LECT2: variants seen among roughly 807,000 people sequenced by gnomAD.
LECT2 encodes the protein leukocyte cell-derived chemotaxin-2.
A neutral mutation model predicts 16.6 loss-of-function variants in LECT2; 11 were observed. That is an observed-to-expected ratio of 0.66 (90% CI 0.42 to 1.09). The LOEUF (loss-of-function observed/expected upper bound fraction) is 1.09. LECT2 is among the 50% of genes least tolerant of loss of function. The pLI is 0.00. For synonymous variants in LECT2, 54 were observed against 64.8 expected, an observed-to-expected ratio of 0.83 and a Z score of 0.80; for missense variants, 173 against 184.2, an observed-to-expected ratio of 0.94 and a Z score of 0.35.
At chr5:135,947,563 T>A in intron 3 of LECT2, 66 bp from the exon 4 acceptor site, 2 of 1,395,790 alleles carry the variant, frequency 1.4e-6, no homozygotes, top group Non-Finnish European at 1.9e-6. Flanking sequence ...ATTAAAAAAA[T>A]AACAAATGGA....
At chr5:135,948,723 G>A (rs1425542331) in intron 3 of LECT2, among the ~76,000 whole-genome samples, 1 of 150,900 alleles carries the variant, frequency 6.6e-6, no homozygotes, top group Non-Finnish European at 1.5e-5. Context: ...CACCCAGGCT[G>A]GAGTGCAGTG....
At position 135,947,492 on chromosome 5, in the gene LECT2, A is replaced by G; in HGVS notation, c.295T>C (p.Cys99Arg). 1 of 1,601,090 alleles carries G rather than the reference A, an allele frequency of 6.2e-7. No individual in the cohort carries two copies. Among genetic ancestry groups the G allele is most frequent in the South Asian group, 1.1e-5 (1 of 88,176 alleles). ...NGVRISGRGFCVKMFYIKPIK... is the reference protein window; with the variant it reads ...NGVRISGRGFRVKMFYIKPIK... ...GGCTTAATGTAGAACATTTTGACAC[A>G]AAAACCTAAAAGAAAATAAGTATAA... The change falls in exon 4 of 4, where the codon TGT becomes CGT. Residue 99 changes from cysteine (C) to arginine (R), a missense_variant. Transcript: ENST00000274507.
In LECT2 at chr5:135,947,413, G is replaced by A. The variant is rs745655904; in HGVS notation, c.374C>T (p.Pro125Leu). 6.2e-7 allele frequency: 1 copy of A among 1,613,990 alleles called. No homozygotes were observed. Among genetic ancestry groups the A allele is most frequent in the Non-Finnish European group, 8.5e-7 (1 of 1,179,940 alleles). ...TATGCCAGGATAAACTTTCTGCAAG[G>A]GCAATAGAGTTCCAAGTTTTTCTCC... ...KKGEKLGTLL[P>L]LQKVYPGIQS... Residue 125 changes from proline to leucine, a missense_variant, in exon 4 of 4, where the codon CCC becomes CTC. By Grantham distance (98) the Pro-to-Leu change is moderately conservative. Coordinates refer to ENST00000274507, the MANE Select transcript of LECT2 (RefSeq NM_002302.3).
At chr5:135,948,656 A>AAAT (rs140730701) in intron 3 of LECT2, among the ~76,000 whole-genome samples, 9,268 of 144,852 alleles carry the variant, frequency 0.064, 505 homozygotes, top group African/African-American at 0.15. Context: ...AGAAAATTTA[A>AAAT]AATAATAATA....
intron 3 of LECT2, among the ~76,000 whole-genome samples, chr5:135,948,261 G>T (rs1487830882): frequency 2.0e-5 from 3 of 152,182 alleles, no homozygotes; most frequent in Admixed American, 6.5e-5. Flanking sequence ...AACTATCCAT[G>T]CACTAAATAG....
chr5:135,952,955 G>T lies in LECT2; in HGVS notation c.59C>A (p.Pro20Gln). 6.2e-7 allele frequency: 1 copy of T among 1,613,254 alleles called. No homozygotes were observed. Among genetic ancestry groups the T allele is most frequent in the South Asian group, 1.1e-5 (1 of 91,070 alleles). ...AGLISTALAG[P>Q]WANICAGKSS... is the part of the protein sequence containing the mutation. ...CTTGCCAGCACATATATTAGCCCAT[G>T]GCCCTGCCAGTGCTAAAAAGGAGAA... is the stretch of plus-strand genomic sequence containing the variant. The change falls in exon 2 of 4, where the codon CCA (proline) becomes CAA (glutamine). Residue 20 changes from proline to glutamine, a missense_variant. Physicochemically the swap from Pro to Gln is moderately conservative, Grantham distance 76 (BLOSUM62 -1). Coordinates refer to ENST00000274507, the MANE Select transcript of LECT2 (RefSeq NM_002302.3).
rs1424432164 is a variant in LECT2, at chr5:135,947,343, A to G, written c.444T>C (p.Thr148=). ...HIENCDSSDP[T]AYL is the part of the protein sequence containing the mutation. ...ATTGGCCTTCGATTTACAGGTATGC[A>G]GTAGGGTCACTCGAGTCACAGTTTT... The change falls in exon 4 of 4, where the codon ACT becomes ACC. Residue 148 remains threonine, a synonymous_variant. Coordinates refer to ENST00000274507, the MANE Select transcript of LECT2 (RefSeq NM_002302.3). 1.9e-6 allele frequency: 3 copies of G among 1,613,830 alleles called. No homozygotes were observed. The highest frequency in any genetic ancestry group is 1.1e-5 in the South Asian group (1 of 91,068).
At position 135,954,779 on chromosome 5, in the gene LECT2, T is replaced by A; in HGVS notation, c.46+9A>T. 1 of 1,609,018 alleles carries A rather than the reference T, an allele frequency of 6.2e-7. No individual in the cohort carries two copies. Among genetic ancestry groups the A allele is most frequent in the Non-Finnish European group, 8.5e-7 (1 of 1,175,546 alleles). On this transcript the variant is annotated intron_variant, in intron 1 of 3. Coordinates refer to ENST00000274507, the MANE Select transcript of LECT2 (RefSeq NM_002302.3). ...TAATCAATATTCTAAAATTGCACTT[T>A]CGACTTACCGGTAGAAATCAGACCA...
intron 2 of LECT2, 138 bp downstream of exon 2, chr5:135,952,733 A>G (rs1350826490): frequency 1.6e-6 from 1 of 612,270 alleles, no homozygotes; most frequent in Admixed American, 2.5e-5. Context: ...CTCCAAAGAC[A>G]GTGATGTAAC....
chr5:135,954,946 C>A lies in LECT2; in HGVS notation c.-113G>T. 1.3e-6 allele frequency: 1 copy of A among 782,978 alleles called. No homozygotes were observed. The highest frequency in any genetic ancestry group is 2.2e-6 in the Non-Finnish European group (1 of 463,702). 48.5% of individuals were successfully genotyped at this position (782,978 alleles called of 1,614,324 possible). A position where few individuals can be genotyped will look rare whatever the true frequency, so the allele number is the denominator to read the frequency against. On this transcript the variant is annotated 5_prime_UTR_variant, in exon 1 of 4. An upstream start codon of the reference 5' UTR is lost. Transcript: ENST00000274507. Reference sequence around the variant, plus strand: ...CTAGCTATTTAGCCTTAGAATTCTGCATCTCTCATTTCTTTAGTGTGAGAC... The same window carrying A: ...CTAGCTATTTAGCCTTAGAATTCTGAATCTCTCATTTCTTTAGTGTGAGAC...
intron 3 of LECT2, among the ~76,000 whole-genome samples, chr5:135,948,023 C>A (rs911948471): frequency 6.6e-6 from 1 of 152,122 alleles, no homozygotes; most frequent in Non-Finnish European, 1.5e-5. Context: ...AAAGCAAACC[C>A]CAATTGAATG....
At chr5:135,951,494 G>T in intron 2 of LECT2, 126 bp from the exon 3 acceptor site, 1 of 877,836 alleles carries the variant, frequency 1.1e-6, no homozygotes, top group Non-Finnish European at 1.7e-6. Flanking sequence ...AGAACATGTT[G>T]GGATGTCCCA....
intron 3 of LECT2, 23 bp from the exon 4 acceptor site, chr5:135,947,520 A>G: frequency 6.4e-7 from 1 of 1,561,622 alleles, no homozygotes; most frequent in Non-Finnish European, 8.7e-7. Flanking sequence ...AAGTATAATT[A>G]TTTATCTGGG....
At chr5:135,948,574 TATA>T (rs1464547116) in intron 3 of LECT2, among the ~76,000 whole-genome samples, 5 of 151,984 alleles carry the variant, frequency 3.3e-5, no homozygotes, top group Non-Finnish European at 7.4e-5. Flanking sequence ...TACATATTGA[TATA>T]ATACTTTGAA....
intron 3 of LECT2, among the ~76,000 whole-genome samples, chr5:135,949,089 T>G (rs565107537): frequency 7.3e-4 from 111 of 152,302 alleles, no homozygotes; most frequent in Middle Eastern, 6.8e-3. Flanking sequence ...ACAAAAGATG[T>G]GCAAGACCTC....
intron 2 of LECT2, among the ~76,000 whole-genome samples, chr5:135,952,020 G>A (rs1763803037): frequency 6.6e-6 from 1 of 152,110 alleles, no homozygotes; most frequent in Non-Finnish European, 1.5e-5. Flanking sequence ...TCACCTGAAC[G>A]ATCAGGTTCA....
intron 3 of LECT2, 78 bp downstream of exon 3, chr5:135,951,145 A>T: frequency 7.4e-7 from 1 of 1,345,184 alleles, no homozygotes; most frequent in Non-Finnish European, 1.1e-6. Context: ...CAAAATCTCT[A>T]CGTATGGAAC....
chr5:135,947,115 A>G lies in LECT2; in HGVS notation c.*216T>C. 1 of 367,862 alleles carries G rather than the reference A, an allele frequency of 2.7e-6. No individual in the cohort carries two copies. Among genetic ancestry groups the G allele is most frequent in the Non-Finnish European group, 4.8e-6 (1 of 207,788 alleles). 22.8% of individuals were successfully genotyped at this position (367,862 alleles called of 1,614,324 possible). The stretch of plus-strand genomic sequence containing the variant: ...AACTCAAATTTCCTTTTTTTAATTA[A>G]AAAATTTTTGTGGGTACATAGGTGT... On this transcript the variant is annotated 3_prime_UTR_variant, in exon 4 of 4. Transcript: ENST00000274507.
chr5:135,952,025 G>A (rs954142955), intron 2 of LECT2, among the ~76,000 whole-genome samples: 2 of 152,168 alleles, frequency 1.3e-5, no homozygotes, highest in Non-Finnish European at 2.9e-5. Flanking sequence ...TGAACGATCA[G>A]GTTCACCAGG....
Sources: allele counts gnomAD v4.1 joint callset (sites outside exome capture counted in the v4.1 genomes callset), GRCh38; gene constraint gnomAD v4.1.1; transcripts MANE v1.5; gene names NCBI Gene and HGNC (gene_info 2026-07-23, HGNC 2026-07-21).